RORA: variants seen among roughly 807,000 people sequenced by gnomAD.
RORA encodes nuclear receptor ROR-alpha.
In RORA, 7 loss-of-function variants were observed where a neutral mutation model predicts 69.5. The ratio of observed to expected loss-of-function variants is 0.10; its 90% confidence interval spans 0.06 to 0.19. The LOEUF is 0.19. Among genes scored for constraint, RORA ranks in the 10% least tolerant of loss-of-function variants. The probability of loss-of-function intolerance (pLI) is 1.00; values close to 1 mark genes in which losing one functional copy is unlikely to be tolerated. For synonymous variants in RORA, 261 were observed against 240.8 expected, an observed-to-expected ratio of 1.08 and a Z score of -0.78; for missense variants, 457 against 663.0, an observed-to-expected ratio of 0.69 and a Z score of 3.41.
intron 2 of RORA, among the ~76,000 whole-genome samples, chr15:60,555,360 G>A (rs1388826669): frequency 1.3e-5 from 2 of 152,150 alleles, no homozygotes; most frequent in African/African-American, 4.8e-5. Flanking sequence ...AGGTAGGAGA[G>A]GGAGTGGGGC....
chr15:60,620,860 C>T (rs1054838074), intron 2 of RORA, among the ~76,000 whole-genome samples: 1 of 152,226 alleles, frequency 6.6e-6, no homozygotes, highest in African/African-American at 2.4e-5. Flanking sequence ...CTCCGCCTCC[C>T]ACTAGCAGCT....
intron 1 of RORA, among the ~76,000 whole-genome samples, chr15:60,720,381 C>T (rs2071278098): frequency 6.6e-6 from 1 of 152,130 alleles, no homozygotes; most frequent in Non-Finnish European, 1.5e-5. Context: ...AAGAGGCAGA[C>T]GATAGCTAAC....
At chr15:60,693,797 C>A (rs888137323) in intron 1 of RORA, among the ~76,000 whole-genome samples, 1 of 152,016 alleles carries the variant, frequency 6.6e-6, no homozygotes, top group African/African-American at 2.4e-5. Flanking sequence ...TAAGAGAGGA[C>A]ACAAACAAAT....
At chr15:60,917,909 TCA>T (rs1235594480) in intron 1 of RORA, among the ~76,000 whole-genome samples, 4 of 152,188 alleles carry the variant, frequency 2.6e-5, no homozygotes, top group African/African-American at 9.6e-5. Context: ...CTATAGTGCT[TCA>T]CACCCAACTG....
In RORA at chr15:60,668,381, A is replaced by C. The variant is rs115967151; in HGVS notation, c.196+10276T>G. 8.0e-3 allele frequency among the ~76,000 whole-genome samples: 1,216 copies of C among 152,356 alleles called. 12 individuals carry two copies. The highest frequency in any genetic ancestry group is 0.027 in the African/African-American group (1,123 of 41,590). On this transcript the variant is annotated intron_variant, in intron 2 of 10. Transcript: ENST00000335670. ...AGTTGTCTCTAAGGTTCTTCACCAC[A>C]GCTTCAAGGACAACCAGGAAAAGAG... is the stretch of plus-strand genomic sequence containing the variant.
intron 2 of RORA, among the ~76,000 whole-genome samples, chr15:60,615,462 A>T (rs2069213587): frequency 6.6e-6 from 1 of 152,198 alleles, no homozygotes; most frequent in South Asian, 2.1e-4. Context: ...GGGGCCTCCA[A>T]GGACTTATCA....
At chr15:60,665,854 T>C (rs542957194) in intron 2 of RORA, among the ~76,000 whole-genome samples, 1 of 152,274 alleles carries the variant, frequency 6.6e-6, no homozygotes, top group African/African-American at 2.4e-5. Context: ...TTTGTATTTT[T>C]AGTAAAGACG....
chr15:61,110,922 T>A (rs1431468510), intron 1 of RORA, among the ~76,000 whole-genome samples: 1 of 152,222 alleles, frequency 6.6e-6, no homozygotes, highest in Non-Finnish European at 1.5e-5. Context: ...GCAATAACTG[T>A]CAGCTACATG....
chr15:60,736,463 C>G (rs972620318), intron 1 of RORA, among the ~76,000 whole-genome samples: 3 of 152,170 alleles, frequency 2.0e-5, no homozygotes, highest in African/African-American at 7.2e-5. Flanking sequence ...GGCCAGCATT[C>G]GGTTTAAGAC....
At chr15:60,664,621 A>G (rs1231360421) in intron 2 of RORA, among the ~76,000 whole-genome samples, 1 of 152,212 alleles carries the variant, frequency 6.6e-6, no homozygotes, top group Non-Finnish European at 1.5e-5. Flanking sequence ...GAAGAGATGG[A>G]CTTTACGTTA....
At chr15:60,814,241 A>G (rs2072780331) in intron 1 of RORA, among the ~76,000 whole-genome samples, 2 of 152,046 alleles carry the variant, frequency 1.3e-5, no homozygotes, top group African/African-American at 4.8e-5. Context: ...CCTCCCCAAA[A>G]CTTTCTCCAA....
chr15:60,801,843 GT>G (rs2072586522), intron 1 of RORA, among the ~76,000 whole-genome samples: 2 of 152,322 alleles, frequency 1.3e-5, no homozygotes, highest in Non-Finnish European at 1.5e-5. Context: ...TATAAAATTT[GT>G]TAATATAAAA....
intron 1 of RORA, among the ~76,000 whole-genome samples, chr15:61,140,022 T>G (rs1210368870): frequency 6.6e-6 from 1 of 152,182 alleles, no homozygotes; most frequent in African/African-American, 2.4e-5. Context: ...ATTTGCACAT[T>G]CTCAGTTGTA....
At chr15:60,557,584 G>C (rs949232250) in intron 2 of RORA, among the ~76,000 whole-genome samples, 4 of 152,296 alleles carry the variant, frequency 2.6e-5, no homozygotes, top group African/African-American at 9.6e-5. Flanking sequence ...TCTGTACTTG[G>C]TCCTCCAGTT....
intron 1 of RORA, among the ~76,000 whole-genome samples, chr15:60,864,314 A>G (rs891661397): frequency 2.6e-5 from 4 of 152,232 alleles, no homozygotes; most frequent in Non-Finnish European, 5.9e-5. Context: ...TGCTTGAAGA[A>G]TGGATAGCCC....
chr15:60,786,049 T>C (rs1357645329), intron 1 of RORA, among the ~76,000 whole-genome samples: 1 of 152,258 alleles, frequency 6.6e-6, no homozygotes, highest in Non-Finnish European at 1.5e-5. Flanking sequence ...AAATCTTTTA[T>C]TAAAGACTTG....
chr15:60,881,899 T>C (rs1595788694), intron 1 of RORA, among the ~76,000 whole-genome samples: 1 of 152,212 alleles, frequency 6.6e-6, no homozygotes, highest in African/African-American at 2.4e-5. Context: ...AAAGAACCCA[T>C]TCAATAATTC....
At chr15:60,813,880 A>C (rs890089889) in intron 1 of RORA, among the ~76,000 whole-genome samples, 2 of 152,146 alleles carry the variant, frequency 1.3e-5, no homozygotes, top group African/African-American at 2.4e-5. Flanking sequence ...TAAGATCAAA[A>C]CTTGTGTTAA....
At chr15:60,616,092 C>A (rs1482686935) in intron 2 of RORA, among the ~76,000 whole-genome samples, 1 of 152,182 alleles carries the variant, frequency 6.6e-6, no homozygotes, top group Non-Finnish European at 1.5e-5. Context: ...ATTTTGTCCA[C>A]ATATATACAC....
Sources: gnomAD v4.1 joint callset for allele counts (sites outside exome capture counted in the v4.1 genomes callset) on GRCh38, gnomAD v4.1.1 for gene constraint, MANE v1.5 for transcripts, NCBI Gene and HGNC (gene_info 2026-07-23, HGNC 2026-07-21) for gene names.